Variants in FNBP1 observed in about 807,000 individuals in gnomAD.
FNBP1 encodes formin binding protein 1, also known as formin-binding protein 1.
Under a neutral mutation model 90.6 loss-of-function variants are expected in FNBP1, and 26 were observed. The ratio of observed to expected loss-of-function variants is 0.29; its 90% CI spans 0.21 to 0.40. FNBP1 has a LOEUF of 0.40. Ranked by LOEUF, FNBP1 falls within the 10% of genes least tolerant of loss-of-function variation. FNBP1 has a pLI of 1.00. For synonymous variants in FNBP1, 260 were observed against 265.2 expected (o/e 0.98, Z 0.19); for missense variants, 635 against 768.0 (o/e 0.83, Z 2.05).
intron 3 of FNBP1, 110 bp from the exon 4 acceptor site, chr9:129,978,722 C>A: frequency 1.0e-6 from 1 of 999,184 alleles, no homozygotes; most frequent in Non-Finnish European, 1.5e-6. Flanking sequence ...GCATCCACCT[C>A]CCATAGGATC....
chr9:129,916,672 A>G lies in FNBP1; in HGVS notation c.1171-692T>C, dbSNP rs76487265. 4.1e-3 allele frequency among the ~76,000 whole-genome samples: 628 copies of G among 152,262 alleles called. 3 individuals carry two copies. The highest frequency in any genetic ancestry group is 7.1e-3 in the Non-Finnish European group (483 of 68,004). ...TAATCACACAACCTTTTGTTCTCCA[A>G]ATTTCCCATGGAAAGTTTTATACAG... is the stretch of plus-strand genomic sequence containing the variant. On this transcript the variant is annotated intron_variant, in intron 10 of 16. Coordinates refer to ENST00000446176, the MANE Select transcript of FNBP1 (RefSeq NM_015033.3).
At chr9:129,904,256 C>A (rs2037542463) in intron 12 of FNBP1, among the ~76,000 whole-genome samples, 1 of 152,152 alleles carries the variant, frequency 6.6e-6, no homozygotes, top group Non-Finnish European at 1.5e-5. Context: ...AGTGACAGAG[C>A]CTTAAAGCTA....
intron 1 of FNBP1, among the ~76,000 whole-genome samples, chr9:130,030,277 AT>A (rs1290218004): frequency 6.6e-6 from 1 of 152,040 alleles, no homozygotes; most frequent in Non-Finnish European, 1.5e-5. Context: ...TCTACTAAAA[AT>A]ACAAAAATTA....
At chr9:129,939,286 G>A (rs1248294969) in intron 6 of FNBP1, among the ~76,000 whole-genome samples, 1 of 152,042 alleles carries the variant, frequency 6.6e-6, no homozygotes, top group African/African-American at 2.4e-5. Context: ...ATACTTGGGA[G>A]GCTGAGGCAG....
At chr9:129,997,924 C>A (rs187311024) in intron 1 of FNBP1, among the ~76,000 whole-genome samples, 2 of 152,222 alleles carry the variant, frequency 1.3e-5, no homozygotes, top group African/African-American at 4.8e-5. Context: ...CGGTGGCTCA[C>A]ATCCAAAATT....
rs143297659 is a variant in FNBP1 at position 129,924,978 on chromosome 9, C to T, written c.969G>A (p.Pro323=). 1.7e-4 allele frequency: 280 copies of T among 1,610,886 alleles called. 1 individual carries two copies. In the African/African-American group the frequency reaches 2.9e-3, roughly 17 times the overall value. Reference sequence around the variant, plus strand: ...TCAGTACCTTATTTTTTTTGATGAACGGCCATAACTTTCCTTTGGATTTGC... The same window carrying T: ...TCAGTACCTTATTTTTTTTGATGAATGGCCATAACTTTCCTTTGGATTTGC... The part of the protein sequence containing the change: ...FGGKSKGKLW[P]FIKKNKLMSL... The change falls in exon 9 of 17, where the codon CCG becomes CCA. Residue 323 remains proline (P), a synonymous_variant. Coordinates refer to ENST00000446176, the MANE Select transcript of FNBP1 (RefSeq NM_015033.3).
At chr9:129,950,990 G>C (rs77832967) in intron 6 of FNBP1, among the ~76,000 whole-genome samples, 1 of 60,412 alleles carries the variant, frequency 1.7e-5, no homozygotes, top group East Asian at 5.1e-4. Context: ...TTTTTTTTTT[G>C]AGACTGAGTC....
At chr9:130,013,020 G>A (rs4521857) in intron 1 of FNBP1, among the ~76,000 whole-genome samples, 10,305 of 152,160 alleles carry the variant, frequency 0.068, 474 homozygotes, top group East Asian at 0.15. Context: ...AAAAAATTCC[G>A]TTCACGAAAA....
intron 12 of FNBP1, among the ~76,000 whole-genome samples, chr9:129,904,286 C>A (rs983652081): frequency 5.3e-5 from 8 of 152,188 alleles, no homozygotes; most frequent in African/African-American, 1.7e-4. Flanking sequence ...GATCCCACAT[C>A]CTTCCTGAAA....
intron 12 of FNBP1, among the ~76,000 whole-genome samples, chr9:129,906,813 C>G (rs970484573): frequency 7.9e-5 from 12 of 152,066 alleles, no homozygotes; most frequent in Admixed American, 2.0e-4. Flanking sequence ...CAGAGTCTCG[C>G]TCTGTTGCCA....
At chr9:130,051,999 T>C in the FNBP1 span, among the ~76,000 whole-genome samples, 1 of 152,212 alleles carries the variant, frequency 6.6e-6, no homozygotes, top group Non-Finnish European at 1.5e-5. Context: ...AGCCTGTTTG[T>C]TTCCAGTTAC....
rs2059802658 is a variant in FNBP1 at position 130,041,310 on chromosome 9, T to C, written c.24+1642A>G. Among the ~76,000 whole-genome samples, 1 of 152,202 alleles carries C rather than the reference T, an allele frequency of 6.6e-6. No homozygotes were observed. Among genetic ancestry groups the C allele is most frequent in the African/African-American group, 2.4e-5 (1 of 41,444 alleles). On this transcript the variant is annotated intron_variant, in intron 1 of 16. Transcript: ENST00000446176. This position sits in a 1 kb window ranked among gnomAD's most constrained non-coding sequence, Gnocchi z 4.3. ...CCCATTCACCAACATCACTGAACTGTCCACCAAGGTATTGTGTTCGGTCCC... is the reference window on the plus strand; with the variant it reads ...CCCATTCACCAACATCACTGAACTGCCCACCAAGGTATTGTGTTCGGTCCC...
At chr9:130,020,179 C>T (rs1030668336) in intron 1 of FNBP1, among the ~76,000 whole-genome samples, 1 of 152,154 alleles carries the variant, frequency 6.6e-6, no homozygotes, top group African/African-American at 2.4e-5. Flanking sequence ...CTCATTTCAT[C>T]AGAGGACTCC....
At chr9:129,909,509 G>A (rs1468093477) in intron 11 of FNBP1, among the ~76,000 whole-genome samples, 1 of 151,884 alleles carries the variant, frequency 6.6e-6, no homozygotes, top group Non-Finnish European at 1.5e-5. Context: ...CCTGTAAAGT[G>A]ACAGATGGGA....
At chr9:129,897,650 C>A (rs2036014019) in intron 15 of FNBP1, among the ~76,000 whole-genome samples, 1 of 151,976 alleles carries the variant, frequency 6.6e-6, no homozygotes, top group Non-Finnish European at 1.5e-5. Flanking sequence ...GGCTGGAGTG[C>A]AGTGGTACGA....
chr9:129,924,713 G>T (rs1020813634), intron 9 of FNBP1, among the ~76,000 whole-genome samples: 2 of 152,176 alleles, frequency 1.3e-5, no homozygotes, highest in African/African-American at 4.8e-5. Context: ...AGGCGAAACG[G>T]TGGAGAGGTC....
intron 12 of FNBP1, among the ~76,000 whole-genome samples, chr9:129,907,790 G>A (rs1435370229): frequency 2.0e-5 from 3 of 151,014 alleles, no homozygotes; most frequent in African/African-American, 7.3e-5. Flanking sequence ...GTGCAGTGGC[G>A]CAATCTCGGC....
At chr9:130,043,530 G>A (rs2060010409), upstream of FNBP1, among the ~76,000 whole-genome samples, 1 of 152,250 alleles carries the variant, frequency 6.6e-6, no homozygotes, top group Non-Finnish European at 1.5e-5. Context: ...GCTCCCCTGC[G>A]CGTATCGCCG....
intron 11 of FNBP1, among the ~76,000 whole-genome samples, chr9:129,909,905 T>C (rs536193213): frequency 6.6e-6 from 1 of 152,288 alleles, no homozygotes; most frequent in East Asian, 1.9e-4. Flanking sequence ...TTTTAGGCCT[T>C]TAGGAAGCCT....
Sources: allele counts gnomAD v4.1 joint callset (sites outside exome capture counted in the v4.1 genomes callset), GRCh38; gene constraint gnomAD v4.1.1; non-coding constraint Gnocchi (gnomAD v3.1); transcripts MANE v1.5; gene names NCBI Gene and HGNC (gene_info 2026-07-23, HGNC 2026-07-21).